The following AGR3 variants were observed in gnomAD, a reference collection of about 807,000 sequenced individuals.
AGR3 encodes the protein anterior gradient protein 3.
Under a neutral mutation model 24.5 loss-of-function variants are expected in AGR3, and 37 were observed. The observed-to-expected ratio is 1.51, with a 90% confidence interval of 1.16 to 1.99. The LOEUF is 1.99. Among genes scored for constraint, AGR3 ranks in the 30% most tolerant of loss-of-function variants. AGR3 has a pLI of 0.00. For missense variants in AGR3, 228 were observed against 191.1 expected (o/e 1.19, Z -1.14); for synonymous variants, 75 against 61.6 (o/e 1.22, Z -1.02).
intron 1 of AGR3, among the ~76,000 whole-genome samples, chr7:16,880,984 A>C (rs1186434509): frequency 6.6e-6 from 1 of 152,146 alleles, no homozygotes; most frequent in African/African-American, 2.4e-5. Context: ...GCAAAATTTT[A>C]TCTGCCTCTG....
intron 1 of AGR3, 34 bp from the exon 2 acceptor site, chr7:16,878,679 G>C (rs1288803366): frequency 2.1e-6 from 3 of 1,401,296 alleles, no homozygotes; most frequent in South Asian, 2.3e-5. Context: ...AGAATCCAGT[G>C]AATTACTTCA....
intron 2 of AGR3, among the ~76,000 whole-genome samples, chr7:16,876,814 AG>A (rs1781994107): frequency 6.6e-6 from 1 of 152,230 alleles, no homozygotes; most frequent in African/African-American, 2.4e-5. Context: ...ATTCAACAAG[AG>A]TTTTAAATAA....
At chr7:16,858,292 C>A (rs1409252107), downstream of AGR3, among the ~76,000 whole-genome samples, 1 of 152,076 alleles carries the variant, frequency 6.6e-6, no homozygotes, top group Non-Finnish European at 1.5e-5. Flanking sequence ...CCGCACCCAG[C>A]CTCTAAAATA....
intron 5 of AGR3, 77 bp from the exon 6 acceptor site, chr7:16,861,524 G>C (rs914452269): frequency 8.9e-6 from 11 of 1,237,144 alleles, no homozygotes; most frequent in Admixed American, 1.9e-5. Flanking sequence ...TTGTGTGACT[G>C]TCAGTAAATT....
downstream of AGR3, among the ~76,000 whole-genome samples, chr7:16,855,698 T>G (rs1781548706): frequency 6.6e-6 from 1 of 152,214 alleles, no homozygotes; most frequent in Non-Finnish European, 1.5e-5. Flanking sequence ...TATCTTTCTT[T>G]ACTCAGTAAG....
At position 16,860,505 on chromosome 7, in the gene AGR3, G is replaced by T. The variant is rs2079928451; in HGVS notation, c.446C>A (p.Pro149His). The T allele has an allele frequency of 1.9e-6, 3 of 1,610,448 alleles. No individual in the cohort carries two copies. Among genetic ancestry groups the T allele is most frequent in the African/African-American group, 2.7e-5 (2 of 74,956 alleles). The change falls in exon 7 of 8, where the codon CCC (proline) becomes CAC (histidine). Residue 149 changes from proline to histidine, a missense_variant. Transcript: ENST00000310398. ...GATCATTTGTGAATACTTACATAGG[G>T]GTAAATCCCGAGGCTCATATGTGTA... ...RLYTYEPRDLPLLIENMKKAL... is the reference protein window; with the variant it reads ...RLYTYEPRDLHLLIENMKKAL...
downstream of AGR3, among the ~76,000 whole-genome samples, chr7:16,856,838 T>TAC (rs111311358): frequency 0.12 from 18,384 of 149,788 alleles, 1,124 homozygotes; most frequent in South Asian, 0.18. Context: ...CCTATATGTA[T>TAC]ACACACACAC....
chr7:16,860,555 T>C lies in AGR3; in HGVS notation c.396A>G (p.Ile132Met). Residue 132 changes from isoleucine (I) to methionine (M), a missense_variant, in exon 7 of 8, where the codon ATA becomes ATG. Physicochemically the swap from Ile to Met is conservative, Grantham distance 10. Coordinates refer to ENST00000310398, the MANE Select transcript of AGR3 (RefSeq NM_176813.5). The stretch of plus-strand genomic sequence containing the variant: ...ACAATCTGTTAGAGTATCTTCCAGC[T>C]ATGTCAGCTCTAACTGTTAAAGAAG... ...VDPSLTVRAD[I>M]AGRYSNRLYT... 6.2e-7 allele frequency: 1 copy of C among 1,613,814 alleles called. No homozygotes were observed. The highest frequency in any genetic ancestry group is 2.2e-5 in the East Asian group (1 of 44,872).
intron 3 of AGR3, chr7:16,865,867 T>C: frequency 1.4e-6 from 1 of 733,740 alleles, no homozygotes; most frequent in Admixed American, 1.9e-5. Flanking sequence ...ATAGCGTTTT[T>C]TTGGTCGTTG....
chr7:16,855,097 G>A (rs905014204), downstream of AGR3, among the ~76,000 whole-genome samples: 5 of 151,984 alleles, frequency 3.3e-5, no homozygotes, highest in Non-Finnish European at 5.9e-5. Flanking sequence ...TTCACATATC[G>A]ATCATCCCAA....
intron 2 of AGR3, among the ~76,000 whole-genome samples, chr7:16,877,790 G>C (rs1782016561): frequency 1.3e-5 from 2 of 151,110 alleles, no homozygotes; most frequent in Non-Finnish European, 2.9e-5. Context: ...GTGAACCCGG[G>C]AGGCAGAGCT....
Position 16,861,999 on chromosome 7 carries a change from G to T in AGR3, c.288C>A (p.Ile96=). ...GTTTATGTACCATAAGGTTTAGCAT[G>T]ATGAACTTATTCTGAGCCATTTCTT... The part of the protein sequence containing the change: ...EIQEMAQNKF[I]MLNLMHETTD... The change falls in exon 5 of 8, where the codon ATC becomes ATA. Residue 96 remains isoleucine (I), a synonymous_variant. Coordinates refer to ENST00000310398, the MANE Select transcript of AGR3 (RefSeq NM_176813.5). The T allele has an allele frequency of 6.2e-7, 1 of 1,611,738 alleles. No homozygotes were observed. The highest frequency in any genetic ancestry group is 8.5e-7 in the Non-Finnish European group (1 of 1,178,558).
intron 1 of AGR3, among the ~76,000 whole-genome samples, chr7:16,880,465 T>G (rs149355007): frequency 1.9e-5 from 2 of 107,614 alleles, no homozygotes; most frequent in African/African-American, 3.5e-5. Flanking sequence ...CCGGACTCCT[T>G]TCCTCTCCCC....
At chr7:16,857,987 TTTTC>T (rs1224375536), downstream of AGR3, among the ~76,000 whole-genome samples, 1 of 125,172 alleles carries the variant, frequency 8.0e-6, no homozygotes, top group Non-Finnish European at 1.7e-5. Context: ...ATCTAAAACA[TTTTC>T]TTTTTTTTTT....
intron 2 of AGR3, among the ~76,000 whole-genome samples, chr7:16,875,194 C>G (rs1216920540): frequency 6.6e-6 from 1 of 151,984 alleles, no homozygotes; most frequent in Non-Finnish European, 1.5e-5. Context: ...ATCATCACAT[C>G]AATTTTAGAA....
chr7:16,865,889 C>A, intron 3 of AGR3: 1 of 721,644 alleles, frequency 1.4e-6, no homozygotes, highest in Non-Finnish European at 2.6e-6. Context: ...CTTTCCACAT[C>A]CAGGAGGACC....
At chr7:16,874,998 C>T (rs1233003091) in intron 2 of AGR3, among the ~76,000 whole-genome samples, 1 of 151,794 alleles carries the variant, frequency 6.6e-6, no homozygotes, top group Non-Finnish European at 1.5e-5. Flanking sequence ...TGCCTGTAGT[C>T]CCAGCTACTC....
rs368420465 is a variant in AGR3, at chr7:16,878,603, C to T, written c.16G>A (p.Ala6Thr). Residue 6 changes from alanine (A) to threonine (T), a missense_variant, in exon 2 of 8, where the codon GCT (alanine) becomes ACT (threonine). Ala to Thr is a moderately conservative substitution (Grantham distance 58). Coordinates refer to ENST00000310398, the MANE Select transcript of AGR3 (RefSeq NM_176813.5). MMLHS[A>T]LGLCLLLVTV... ...ACGAGTAAGAGGCAGAGACCCAAAG[C>T]TGAGTGTAGCATCATGTCTTCTAGA... The T allele has an allele frequency of 3.7e-5, 60 of 1,613,936 alleles. No homozygotes were observed. The highest frequency in any genetic ancestry group is 4.4e-5 in the Non-Finnish European group (52 of 1,179,980).
At chr7:16,861,672 G>A (rs1015027684) in intron 5 of AGR3, among the ~76,000 whole-genome samples, 2 of 151,634 alleles carry the variant, frequency 1.3e-5, no homozygotes, top group African/African-American at 2.4e-5. Flanking sequence ...AGGCTGAGGC[G>A]GGTGGATCAC....
Sources: allele counts gnomAD v4.1 joint callset (sites outside exome capture counted in the v4.1 genomes callset), GRCh38; gene constraint gnomAD v4.1.1; transcripts MANE v1.5; gene names NCBI Gene and HGNC (gene_info 2026-07-23, HGNC 2026-07-21).